SIPA1L1: variants seen among roughly 807,000 people sequenced by gnomAD.
SIPA1L1 encodes the protein signal-induced proliferation-associated 1-like protein 1.
In SIPA1L1, 26 loss-of-function variants were observed where a neutral mutation model predicts 162.7. The ratio of observed to expected loss-of-function variants is 0.16; its 90% CI spans 0.12 to 0.22. The LOEUF (loss-of-function observed/expected upper bound fraction) is 0.22, where lower values mean the gene tolerates loss of function less well. SIPA1L1 is among the 10% of genes least tolerant of loss of function. The pLI is 1.00. For missense variants in SIPA1L1, 1,874 were observed against 2,241.0 expected, an observed-to-expected ratio of 0.84 and a Z score of 3.31; for synonymous variants, 829 against 837.4, an observed-to-expected ratio of 0.99 and a Z score of 0.17.
intron 3 of SIPA1L1, among the ~76,000 whole-genome samples, chr14:71,521,028 A>C (rs1400938786): frequency 1.3e-5 from 2 of 152,244 alleles, no homozygotes; most frequent in African/African-American, 2.4e-5. Flanking sequence ...TGCTGGGATT[A>C]CAGGTGTGAG....
chr14:71,685,429 T>C lies in SIPA1L1; in HGVS notation c.3172T>C (p.Phe1058Leu). The change falls in exon 13 of 24, where the codon TTC (phenylalanine) becomes CTC (leucine). Residue 1058 changes from phenylalanine to leucine, a missense_variant. Around this residue, in one of 5 missense-constraint regions of SIPA1L1, gnomAD observed 936 missense variants for 1,051.9 expected, o/e 0.89. Transcript: ENST00000381232. ...YKMNEGVSYEFKFPFRNNNKW... is the reference protein window; with the variant it reads ...YKMNEGVSYELKFPFRNNNKW... Reference sequence around the variant, plus strand: ...AATGAATGAAGGTGTTTCATACGAATTCAAGTTTCCCTTCCGAAATAATAA... The same window carrying C: ...AATGAATGAAGGTGTTTCATACGAACTCAAGTTTCCCTTCCGAAATAATAA... The C allele has an allele frequency of 6.2e-7, 1 of 1,614,184 alleles. No individual in the cohort carries two copies.
chr14:71,624,361 CTT>C, intron 7 of SIPA1L1, 125 bp downstream of exon 7: 1 of 766,914 alleles, frequency 1.3e-6, no homozygotes, highest in African/African-American at 1.8e-5. Context: ...AAGACACTCT[CTT>C]TGCAATTACT....
chr14:71,674,207 C>T (rs2044832860), intron 12 of SIPA1L1, among the ~76,000 whole-genome samples: 1 of 152,144 alleles, frequency 6.6e-6, no homozygotes, highest in Non-Finnish European at 1.5e-5. Flanking sequence ...CCATCTTGCC[C>T]ACTCAGAAGT....
intron 7 of SIPA1L1, among the ~76,000 whole-genome samples, chr14:71,634,855 G>A (rs932313427): frequency 6.6e-6 from 1 of 151,880 alleles, no homozygotes; most frequent in African/African-American, 2.4e-5. Context: ...AGAATGGTGG[G>A]TACCTGGGAG....
intron 4 of SIPA1L1, among the ~76,000 whole-genome samples, chr14:71,561,733 A>T (rs2056810440): frequency 6.6e-6 from 1 of 152,050 alleles, no homozygotes; most frequent in South Asian, 2.1e-4. Context: ...GATTACAGGC[A>T]TGTGCCACCA....
intron 2 of SIPA1L1, among the ~76,000 whole-genome samples, chr14:71,495,904 AAAAAAAAAAG>A (rs1179353578): frequency 0.12 from 16,535 of 139,634 alleles, 927 homozygotes; most frequent in Middle Eastern, 0.2. Flanking sequence ...AAAAAAAAAA[AAAAAAAAAAG>A]AAGAAGAAAG....
intron 4 of SIPA1L1, among the ~76,000 whole-genome samples, chr14:71,563,024 T>C (rs941070429): frequency 3.3e-5 from 5 of 152,228 alleles, no homozygotes; most frequent in Admixed American, 3.3e-4. Context: ...CCTGTTTCCC[T>C]GGACTGTAAC....
intron 2 of SIPA1L1, among the ~76,000 whole-genome samples, chr14:71,356,567 C>CAAAAAAAAACAAAAAAAAAA (rs2037269208): frequency 2.6e-5 from 1 of 39,172 alleles, no homozygotes; most frequent in Non-Finnish European, 4.3e-5. Flanking sequence ...CTTGTCTCTA[C>CAAAAAAAAACAAAAAAAAAA]AAAAAAAAAA....
At chr14:71,695,427 C>G (rs2081551453) in intron 13 of SIPA1L1, among the ~76,000 whole-genome samples, 1 of 152,180 alleles carries the variant, frequency 6.6e-6, no homozygotes, top group African/African-American at 2.4e-5. Context: ...TTTTCTGATA[C>G]ATTTGCCAAA....
At chr14:71,566,532 GCAC>G (rs907179223) in intron 4 of SIPA1L1, among the ~76,000 whole-genome samples, 28 of 152,258 alleles carry the variant, frequency 1.8e-4, no homozygotes, top group Admixed American at 5.2e-4. Context: ...AGAGAGAAAT[GCAC>G]CATCAAAACA....
intron 22 of SIPA1L1, among the ~76,000 whole-genome samples, chr14:71,737,798 C>T (rs971300367): frequency 2.6e-5 from 4 of 152,140 alleles, no homozygotes; most frequent in Non-Finnish European, 4.4e-5. Flanking sequence ...GGACCAGAGA[C>T]GACCTGCCTA....
At chr14:71,446,340 A>G (rs1213894589) in intron 2 of SIPA1L1, among the ~76,000 whole-genome samples, 1 of 152,046 alleles carries the variant, frequency 6.6e-6, no homozygotes, top group Admixed American at 6.5e-5. Flanking sequence ...TTGGAATTCT[A>G]TTGTATGTAT....
intron 14 of SIPA1L1, 100 bp from the exon 15 acceptor site, chr14:71,702,281 A>C (rs751746272): frequency 1.4e-4 from 172 of 1,273,314 alleles, no homozygotes; most frequent in Non-Finnish European, 1.5e-4. Context: ...AAAAACCAGT[A>C]GTGCCTGTCA....
intron 10 of SIPA1L1, among the ~76,000 whole-genome samples, chr14:71,670,846 C>A (rs758352605): frequency 6.6e-6 from 1 of 151,544 alleles, no homozygotes; most frequent in African/African-American, 2.4e-5. Context: ...GGTCAGTTTC[C>A]TGTCTGGTAA....
intron 2 of SIPA1L1, among the ~76,000 whole-genome samples, chr14:71,442,710 G>A (rs555935713): frequency 7.2e-4 from 109 of 152,090 alleles, no homozygotes; most frequent in Non-Finnish European, 1.1e-3. Flanking sequence ...GGAGGATTGC[G>A]TAAGCTTAGG....
At chr14:71,382,551 G>A (rs1185302903) in intron 2 of SIPA1L1, among the ~76,000 whole-genome samples, 1 of 152,226 alleles carries the variant, frequency 6.6e-6, no homozygotes, top group Non-Finnish European at 1.5e-5. Flanking sequence ...CATTTTGGCA[G>A]TTGTCGGTCT....
At chr14:71,379,154 T>A (rs1016817390) in intron 2 of SIPA1L1, among the ~76,000 whole-genome samples, 2 of 152,222 alleles carry the variant, frequency 1.3e-5, no homozygotes, top group Non-Finnish European at 2.9e-5. Flanking sequence ...TATGTGTTGC[T>A]TTTCTATCTG....
chr14:71,428,676 T>A (rs2043764698), intron 2 of SIPA1L1, among the ~76,000 whole-genome samples: 1 of 152,226 alleles, frequency 6.6e-6, no homozygotes, highest in South Asian at 2.1e-4. Flanking sequence ...AGGGGCTTCC[T>A]GCAAGAGGGG....
At chr14:71,558,693 T>C (rs192398985) in intron 4 of SIPA1L1, among the ~76,000 whole-genome samples, 26 of 152,270 alleles carry the variant, frequency 1.7e-4, no homozygotes, top group Non-Finnish European at 1.5e-5. Context: ...ATTTTGTTTT[T>C]GTTTTTTTAG....
Sources: allele counts gnomAD v4.1 joint callset (sites outside exome capture counted in the v4.1 genomes callset), GRCh38; gene constraint gnomAD v4.1.1; regional missense constraint gnomAD v4.1.1; transcripts MANE v1.5; gene names NCBI Gene and HGNC (gene_info 2026-07-23, HGNC 2026-07-21).